The following MAGI2 variants were observed in gnomAD, a reference collection of about 807,000 sequenced individuals.
MAGI2 encodes the protein membrane-associated guanylate kinase, WW and PDZ domain-containing protein 2.
Under a neutral mutation model 133.3 loss-of-function variants are expected in MAGI2, and 35 were observed. The ratio of observed to expected loss-of-function variants is 0.26; its 90% CI spans 0.20 to 0.35. The LOEUF is 0.35. MAGI2 is among the 10% of genes least tolerant of loss of function. The pLI, the probability that MAGI2 is intolerant of heterozygous loss-of-function variation, is 1.00. For synonymous variants in MAGI2, 729 were observed against 710.6 expected, an observed-to-expected ratio of 1.03 and a Z score of -0.41; for missense variants, 1,636 against 1,863.4, an observed-to-expected ratio of 0.88 and a Z score of 2.25.
At chr7:78,565,049 T>C (rs923268781) in intron 3 of MAGI2, among the ~76,000 whole-genome samples, 2 of 152,006 alleles carry the variant, frequency 1.3e-5, no homozygotes, top group African/African-American at 4.8e-5. Flanking sequence ...TGCCTCAGCC[T>C]TCCAAAGTGC....
At chr7:78,824,635 T>G (rs1790465559) in intron 2 of MAGI2, among the ~76,000 whole-genome samples, 1 of 152,068 alleles carries the variant, frequency 6.6e-6, no homozygotes, top group Non-Finnish European at 1.5e-5. Context: ...TTTTTTCTAG[T>G]AAATTTATTT....
At chr7:78,937,380 G>A (rs1427261170) in intron 2 of MAGI2, among the ~76,000 whole-genome samples, 1 of 152,046 alleles carries the variant, frequency 6.6e-6, no homozygotes, top group Non-Finnish European at 1.5e-5. Context: ...AAAGACAAAT[G>A]ATAGAAACAG....
At chr7:78,069,025 G>A (rs1814154602) in intron 21 of MAGI2, among the ~76,000 whole-genome samples, 1 of 152,134 alleles carries the variant, frequency 6.6e-6, no homozygotes, top group Admixed American at 6.5e-5. Flanking sequence ...TGAACTACAG[G>A]GCCAGACTCT....
intron 1 of MAGI2, among the ~76,000 whole-genome samples, chr7:79,331,811 C>T (rs147352583): frequency 1.5e-4 from 23 of 151,970 alleles, no homozygotes; most frequent in African/African-American, 2.2e-4. Context: ...TATCATTTTT[C>T]GCCTAAAAAG....
At chr7:78,875,328 CA>C (rs1368689999) in intron 2 of MAGI2, among the ~76,000 whole-genome samples, 2 of 152,084 alleles carry the variant, frequency 1.3e-5, no homozygotes, top group Admixed American at 6.6e-5. Context: ...GGACAAAGCT[CA>C]GGGGTGGAAA....
intron 1 of MAGI2, among the ~76,000 whole-genome samples, chr7:79,062,266 G>A (rs184001851): frequency 4.3e-4 from 65 of 152,146 alleles, no homozygotes; most frequent in Admixed American, 4.1e-3. Context: ...GCTTACAAAT[G>A]TTCAGCCCAT....
At chr7:78,257,557 T>A (rs1162839069) in intron 9 of MAGI2, among the ~76,000 whole-genome samples, 1 of 152,230 alleles carries the variant, frequency 6.6e-6, no homozygotes, top group East Asian at 1.9e-4. Flanking sequence ...ATGCAAATTA[T>A]CCATTATAAA....
intron 9 of MAGI2, among the ~76,000 whole-genome samples, chr7:78,308,746 A>AGC (rs1390322815): frequency 6.6e-6 from 1 of 152,156 alleles, no homozygotes. Flanking sequence ...GTCAATATTC[A>AGC]GCTGAGTTAG....
rs532283819 is a variant in MAGI2, at chr7:78,883,653, G to A, written c.418+123437C>T. 9.9e-5 allele frequency among the ~76,000 whole-genome samples: 15 copies of A among 152,130 alleles called. No individual in the cohort carries two copies. The South Asian group carries it at 2.7e-3, about 27-fold the overall frequency. ...AGGCTACAGTAACCATAACAGAATGGTATTGATAAAAATCAGACAACACGG... is the reference window on the plus strand; with the variant it reads ...AGGCTACAGTAACCATAACAGAATGATATTGATAAAAATCAGACAACACGG... On this transcript the variant is annotated intron_variant, in intron 2 of 21. Transcript: ENST00000354212.
intron 1 of MAGI2, among the ~76,000 whole-genome samples, chr7:79,282,206 C>T (rs1441144018): frequency 6.6e-6 from 1 of 152,166 alleles, no homozygotes; most frequent in African/African-American, 2.4e-5. Flanking sequence ...ATATACAGCA[C>T]TTGTGAGGCA....
rs1792358328 is a variant in MAGI2 at position 78,251,310 on chromosome 7, G to T, written c.2047+4633C>A. ...GCAAGACTAACAGTTTCTAAAACTG[G>T]TAACAAGGTAGGGATGTCTGCTCAC... On this transcript the variant is annotated intron_variant, in intron 10 of 21. Coordinates refer to ENST00000354212, the MANE Select transcript of MAGI2 (RefSeq NM_012301.4). 2.0e-5 allele frequency: 3 copies of T among 152,258 alleles called. No individual in the cohort carries two copies. The South Asian group carries it at 6.2e-4, about 32-fold the overall frequency. The allele number at this position is 152,258 out of a possible 1,614,324, so 9.4% of individuals were successfully genotyped here.
chr7:78,701,331 G>A (rs1311926477), intron 2 of MAGI2, among the ~76,000 whole-genome samples: 1 of 151,844 alleles, frequency 6.6e-6, no homozygotes, highest in African/African-American at 2.4e-5. Flanking sequence ...ATTTGGCATG[G>A]GGTTGGGAAA....
rs188719690 is a variant in MAGI2 at position 78,263,288 on chromosome 7, A to G, written c.1409-6707T>C. Among the ~76,000 whole-genome samples, 294 of 152,306 alleles carry G rather than the reference A, an allele frequency of 1.9e-3. 1 individual carries two copies. Among genetic ancestry groups the G allele is most frequent in the Non-Finnish European group, 2.5e-3 (172 of 68,032 alleles). ...AGCACTGCAATGAACATATGAGTGC[A>G]TGTGTCTTTTTGGCAGAACGATTTA... On this transcript the variant is annotated intron_variant, in intron 9 of 21. Transcript: ENST00000354212.
At chr7:78,370,320 T>C (rs980709378) in intron 6 of MAGI2, among the ~76,000 whole-genome samples, 1 of 152,060 alleles carries the variant, frequency 6.6e-6, no homozygotes, top group Non-Finnish European at 1.5e-5. Context: ...ATCAAGGATG[T>C]CATTCAATGT....
intron 2 of MAGI2, among the ~76,000 whole-genome samples, chr7:78,906,011 GAAGAA>G (rs1797969812): frequency 6.6e-6 from 1 of 152,098 alleles, no homozygotes; most frequent in Non-Finnish European, 1.5e-5. Context: ...GGAAAAGAAA[GAAGAA>G]AAGAACTAAA....
At chr7:79,330,663 C>T (rs1840012337) in intron 1 of MAGI2, among the ~76,000 whole-genome samples, 1 of 150,784 alleles carries the variant, frequency 6.6e-6, no homozygotes, top group African/African-American at 2.5e-5. Flanking sequence ...ATTTAGCACT[C>T]ATTTTTTTTA....
intron 1 of MAGI2, among the ~76,000 whole-genome samples, chr7:79,395,896 C>T (rs965767909): frequency 6.6e-6 from 1 of 151,908 alleles, no homozygotes; most frequent in South Asian, 2.1e-4. Context: ...CAAAGGAGAC[C>T]GTCTAAAATA....
intron 6 of MAGI2, among the ~76,000 whole-genome samples, chr7:78,418,421 G>T (rs983958198): frequency 6.6e-6 from 1 of 152,098 alleles, no homozygotes; most frequent in African/African-American, 2.4e-5. Flanking sequence ...GATGCTCTCA[G>T]CTGAAAGGAG....
chr7:78,876,766 G>A (rs1318592504), intron 2 of MAGI2, among the ~76,000 whole-genome samples: 1 of 152,142 alleles, frequency 6.6e-6, no homozygotes, highest in Non-Finnish European at 1.5e-5. Flanking sequence ...CTTTTTAGAA[G>A]AAAGGTGCAA....
Sources: gnomAD v4.1 joint callset for allele counts (sites outside exome capture counted in the v4.1 genomes callset) on GRCh38, gnomAD v4.1.1 for gene constraint, MANE v1.5 for transcripts, NCBI Gene and HGNC (gene_info 2026-07-23, HGNC 2026-07-21) for gene names.